The following TXNL4B variants were observed in gnomAD, a reference collection of about 807,000 sequenced individuals.
The protein encoded by TXNL4B is thioredoxin like 4B, also known as thioredoxin-like protein 4B.
A neutral mutation model predicts 13.0 loss-of-function variants in TXNL4B; 12 were observed. The observed-to-expected ratio is 0.92, with a 90% CI of 0.59 to 1.49. TXNL4B has a LOEUF of 1.49. Ranked by LOEUF, TXNL4B falls within the 40% of genes most tolerant of loss-of-function variation. TXNL4B has a pLI of 0.00. For missense variants in TXNL4B, 214 were observed against 173.6 expected (o/e 1.23, Z -1.31); for synonymous variants, 59 against 58.9 (o/e 1.00, Z -0.01).
chr16:72,088,041 G>A (rs1053937255), intron 3 of TXNL4B, among the ~76,000 whole-genome samples: 4 of 152,142 alleles, frequency 2.6e-5, no homozygotes, highest in African/African-American at 9.7e-5. Context: ...GGATGGTCTC[G>A]ATCTGCTGAC....
intron 1 of TXNL4B, among the ~76,000 whole-genome samples, chr16:72,092,281 A>G (rs152826): frequency 0.94 from 143,035 of 152,222 alleles, 67,315 homozygotes; most frequent in East Asian, 1. Flanking sequence ...GTGGTGGCAG[A>G]TGCCACCTGT....
chr16:72,085,286 G>T lies in TXNL4B; in HGVS notation c.*1351C>A, dbSNP rs2041806664. 9.2e-6 allele frequency: 3 copies of T among 327,600 alleles called. No individual in the cohort carries two copies. In the East Asian group the frequency reaches 1.4e-4, roughly 15 times the overall value. 20.3% of individuals were successfully genotyped at this position (327,600 alleles called of 1,614,324 possible). A position where few individuals can be genotyped will look rare whatever the true frequency, so the allele number is the denominator to read the frequency against. On this transcript the variant is annotated 3_prime_UTR_variant, in exon 4 of 4. Transcript: ENST00000268483. ...GCAGTGACAGTGCTGCTCTGAACAG[G>T]ACTAGGCTTCTGTTGGAGAGGTGGT... is the stretch of plus-strand genomic sequence containing the variant.
chr16:72,086,809 A>C lies in TXNL4B; in HGVS notation c.285-7T>G. Reference sequence around the variant, plus strand: ...CTTAGTGTGATCTGGAGATCTAGACAGCATAGAAGAGAAACAACTGCTCTA... The same window carrying C: ...CTTAGTGTGATCTGGAGATCTAGACCGCATAGAAGAGAAACAACTGCTCTA... On this transcript the variant is annotated splice_region_variant and splice_polypyrimidine_tract_variant and intron_variant, in intron 3 of 3. Transcript: ENST00000268483. 1 of 1,558,986 alleles carries C rather than the reference A, an allele frequency of 6.4e-7. No homozygotes were observed. The highest frequency in any genetic ancestry group is 8.8e-7 in the Non-Finnish European group (1 of 1,142,386).
chr16:72,090,351 TG>T (rs1171986436), intron 2 of TXNL4B, among the ~76,000 whole-genome samples: 3 of 152,312 alleles, frequency 2.0e-5, no homozygotes, highest in East Asian at 3.9e-4. Flanking sequence ...TGTTCACAGA[TG>T]CTTGTTAATA....
At position 72,086,127 on chromosome 16, in the gene TXNL4B, A is replaced by G. The variant is rs1214100395; in HGVS notation, c.*510T>C. On this transcript the variant is annotated 3_prime_UTR_variant, in exon 4 of 4. Transcript: ENST00000268483. ...ATTTGAAGAGAACCTACAGTAATAC[A>G]GACTGGAGATGGGAAAGCACGAGGG... is the stretch of plus-strand genomic sequence containing the variant. 1 of 152,504 alleles carries G rather than the reference A, an allele frequency of 6.6e-6. No homozygotes were observed. Among genetic ancestry groups the G allele is most frequent in the Non-Finnish European group, 1.5e-5 (1 of 68,276 alleles). The allele number at this position is 152,504 out of a possible 1,614,324, so 9.4% of individuals were successfully genotyped here. A position where few individuals can be genotyped will look rare whatever the true frequency, so the allele number is the denominator to read the frequency against.
chr16:72,091,945 A>T (rs1055378244), intron 1 of TXNL4B, among the ~76,000 whole-genome samples: 1 of 152,220 alleles, frequency 6.6e-6, no homozygotes, highest in Non-Finnish European at 1.5e-5. Flanking sequence ...TTCTACTACA[A>T]TAATCTATTT....
chr16:72,092,263 A>T (rs966131864), intron 1 of TXNL4B, among the ~76,000 whole-genome samples: 3 of 152,164 alleles, frequency 2.0e-5, no homozygotes, highest in Non-Finnish European at 2.9e-5. Flanking sequence ...ACAAAAAATT[A>T]GCCGGGCGTG....
intron 1 of TXNL4B, among the ~76,000 whole-genome samples, chr16:72,093,129 G>T (rs755641904): frequency 3.9e-5 from 6 of 152,038 alleles, no homozygotes; most frequent in Admixed American, 6.6e-5. Flanking sequence ...CGCCACAACT[G>T]CAGAAACACC....
Position 72,093,361 on chromosome 16 carries a change from ACTTAC to A in TXNL4B, c.-38+1_-38+5del, listed in dbSNP as rs1322504772. 5 of 152,212 alleles carry A rather than the reference ACTTAC, an allele frequency of 3.3e-5. No individual in the cohort carries two copies. Among genetic ancestry groups the A allele is most frequent in the Admixed American group, 3.3e-4 (5 of 15,278 alleles). The allele number at this position is 152,212 out of a possible 1,614,324, so 9.4% of individuals were successfully genotyped here. On this transcript the variant is annotated splice_donor_variant and splice_donor_5th_base_variant and intron_variant, in intron 1 of 3. Transcript: ENST00000268483. LOFTEE classifies it low-confidence loss of function (5UTR_SPLICE). The stretch of plus-strand genomic sequence containing the variant: ...CCCACAAGCGCTAAGGGACCCCAGC[ACTTAC>A]CTTACTCGTCCACGCCGCCTCACTC...
chr16:72,087,915 G>A (rs1217506812), intron 3 of TXNL4B, among the ~76,000 whole-genome samples: 2 of 152,238 alleles, frequency 1.3e-5, no homozygotes, highest in East Asian at 3.9e-4. Flanking sequence ...CGCCTCCTGG[G>A]TTCATGCCAT....
Position 72,090,684 on chromosome 16 carries a change from A to G in TXNL4B, c.66T>C (p.Ala22=), listed in dbSNP as rs765250740. The part of the protein sequence containing the change: ...KEVDQAIKST[A]EKVLVLRFGR... ...CAAACCTGAGAACCAACACCTTCTC[A>G]GCAGTACTTTTTATCGCCTGGTCTA... Residue 22 remains alanine, a synonymous_variant, in exon 2 of 4, where the codon GCT becomes GCC. Transcript: ENST00000268483. 20 of 1,614,228 alleles carry G rather than the reference A, an allele frequency of 1.2e-5. No homozygotes were observed. The South Asian group carries it at 2.0e-4, about 16-fold the overall frequency.
intron 2 of TXNL4B, among the ~76,000 whole-genome samples, chr16:72,090,388 T>A (rs2041887131): frequency 1.3e-5 from 2 of 152,172 alleles, no homozygotes; most frequent in African/African-American, 4.8e-5. Flanking sequence ...ATCACCTTGT[T>A]GGTGAAACAG....
rs1186600189 is a variant in TXNL4B, at chr16:72,086,284, T to G, written c.*353A>C. 1.8e-5 allele frequency: 3 copies of G among 170,394 alleles called. No individual in the cohort carries two copies. Among genetic ancestry groups the G allele is most frequent in the African/African-American group, 7.1e-5 (3 of 42,110 alleles). 10.6% of individuals were successfully genotyped at this position (170,394 alleles called of 1,614,324 possible). A position where few individuals can be genotyped will look rare whatever the true frequency, so the allele number is the denominator to read the frequency against. On this transcript the variant is annotated 3_prime_UTR_variant, in exon 4 of 4. Coordinates refer to ENST00000268483, the MANE Select transcript of TXNL4B (RefSeq NM_017853.3). ...GGGAAGTGACTTTCCAGTTCACTTGTGTATCAAATGAACATGATGAAATCA... is the reference window on the plus strand; with the variant it reads ...GGGAAGTGACTTTCCAGTTCACTTGGGTATCAAATGAACATGATGAAATCA...
intron 2 of TXNL4B, among the ~76,000 whole-genome samples, 190 bp from the exon 3 acceptor site, chr16:72,089,328 G>C (rs1301530862): frequency 6.6e-6 from 1 of 152,226 alleles, no homozygotes; most frequent in Non-Finnish European, 1.5e-5. Flanking sequence ...AACGGGGTTA[G>C]GAGGGAATCT....
At position 72,089,129 on chromosome 16, in the gene TXNL4B, T is replaced by C. The variant is rs757138422; in HGVS notation, c.142A>G (p.Thr48Ala). 2 of 1,607,566 alleles carry C rather than the reference T, an allele frequency of 1.2e-6. No individual in the cohort carries two copies. Among genetic ancestry groups the C allele is most frequent in the African/African-American group, 1.3e-5 (1 of 74,872 alleles). Residue 48 changes from threonine to alanine, a missense_variant, in exon 3 of 4, where the codon ACC becomes GCC. Coordinates refer to ENST00000268483, the MANE Select transcript of TXNL4B (RefSeq NM_017853.3). ...CLQLDDILSK[T>A]SSDLSKMAAI... ...GCCATTTTACTTAAGTCAGAAGAGG[T>C]CTTAGAAAGCTGCAAATGACGAGAG...
chr16:72,086,601 G>A lies in TXNL4B; in HGVS notation c.*36C>T. On this transcript the variant is annotated 3_prime_UTR_variant, in exon 4 of 4. Coordinates refer to ENST00000268483, the MANE Select transcript of TXNL4B (RefSeq NM_017853.3). Reference sequence around the variant, plus strand: ...CTGGATTCAGGTACTGTGTCAAGATGTGCCTTCTTCTTCATCTTTGACAGC... The same window carrying A: ...CTGGATTCAGGTACTGTGTCAAGATATGCCTTCTTCTTCATCTTTGACAGC... 1.3e-6 allele frequency: 2 copies of A among 1,581,712 alleles called. No homozygotes were observed. The highest frequency in any genetic ancestry group is 1.7e-6 in the Non-Finnish European group (2 of 1,152,920).
At chr16:72,088,332 G>C (rs989164737) in intron 3 of TXNL4B, among the ~76,000 whole-genome samples, 1 of 152,238 alleles carries the variant, frequency 6.6e-6, no homozygotes, top group Non-Finnish European at 1.5e-5. Flanking sequence ...CACAGATCTA[G>C]ATAAGTGGAC....
At position 72,093,347 on chromosome 16, in the gene TXNL4B, T is replaced by TA. The variant is rs1458572394; in HGVS notation, c.-38+19dup. The TA allele has an allele frequency of 6.6e-6, 1 of 152,224 alleles. No individual in the cohort carries two copies. The highest frequency in any genetic ancestry group is 1.5e-5 in the Non-Finnish European group (1 of 68,048). The allele number at this position is 152,224 out of a possible 1,614,324, so 9.4% of individuals were successfully genotyped here. A position where few individuals can be genotyped will look rare whatever the true frequency, so the allele number is the denominator to read the frequency against. ...TGCGCTGCTCCTGGCCCACAAGCGC[T>TA]AAGGGACCCCAGCACTTACCTTACT... is the stretch of plus-strand genomic sequence containing the variant. On this transcript the variant is annotated intron_variant, in intron 1 of 3. Coordinates refer to ENST00000268483, the MANE Select transcript of TXNL4B (RefSeq NM_017853.3).
At chr16:72,086,942 A>G (rs2041831996) in intron 3 of TXNL4B, 140 bp from the exon 4 acceptor site, 1 of 675,776 alleles carries the variant, frequency 1.5e-6, no homozygotes, top group Admixed American at 3.3e-5. Flanking sequence ...GCCCAACATT[A>G]ATTTTTCAAT....
Sources: allele counts gnomAD v4.1 joint callset (sites outside exome capture counted in the v4.1 genomes callset), GRCh38; gene constraint gnomAD v4.1.1; transcripts MANE v1.5; gene names NCBI Gene and HGNC (gene_info 2026-07-23, HGNC 2026-07-21).